TAF7L: variants seen among roughly 807,000 people sequenced by gnomAD.
TAF7L encodes the protein TATA-box binding protein associated factor 7 like.
A neutral mutation model predicts 30.2 loss-of-function variants in TAF7L; 6 were observed. The ratio of observed to expected loss-of-function variants is 0.20; its 90% CI spans 0.11 to 0.39. The LOEUF (loss-of-function observed/expected upper bound fraction) is 0.39, where lower values mean the gene tolerates loss of function less well. Among genes scored for constraint, TAF7L ranks in the 10% least tolerant of loss-of-function variants. TAF7L has a pLI of 1.00. For missense variants in TAF7L, 284 were observed against 277.1 expected (o/e 1.03, Z -0.18); for synonymous variants, 93 against 94.5 (o/e 0.98, Z 0.09).
intron 1 of TAF7L, among the ~76,000 whole-genome samples, chrX:101,290,197 A>AAAAAC (rs763682311): frequency 3.3e-4 from 37 of 110,940 alleles, no homozygotes; most frequent in South Asian, 1.5e-3. Flanking sequence ...ACTCCTTCTC[A>AAAAAC]AAAACAAAAC....
intron 11 of TAF7L, 36 bp downstream of exon 11, chrX:101,275,964 G>T: frequency 1.0e-6 from 1 of 985,043 alleles, no homozygotes. Flanking sequence ...CTGAAAGTAA[G>T]ATATCAGGAT....
chrX:101,291,648 C>T (rs2147389205), upstream of TAF7L, among the ~76,000 whole-genome samples: 1 of 110,173 alleles, frequency 9.1e-6, no homozygotes, highest in Admixed American at 9.6e-5. Flanking sequence ...GGGCAGATCT[C>T]AAGGTCAAAA....
At chrX:101,271,497 G>A (rs890028293) in intron 12 of TAF7L, among the ~76,000 whole-genome samples, 5 of 111,334 alleles carry the variant, frequency 4.5e-5, no homozygotes, top group Non-Finnish European at 9.4e-5. Context: ...CATAGAAAAG[G>A]TAAACTAAAA....
At chrX:101,270,361 G>A (rs1328835252) in intron 12 of TAF7L, among the ~76,000 whole-genome samples, 2 of 111,289 alleles carry the variant, frequency 1.8e-5, no homozygotes, top group Non-Finnish European at 3.8e-5. Context: ...CAGTAACTTA[G>A]AGGCTCTTCT....
At chrX:101,286,535 T>A (rs41304452) in intron 3 of TAF7L, 40 bp downstream of exon 3, 42 of 1,010,336 alleles carry the variant, frequency 4.2e-5, no homozygotes, top group Middle Eastern at 3.5e-4. Flanking sequence ...CCTTAATAAA[T>A]TATTGTTCAA....
chrX:101,285,346 A>T (rs748865792), intron 3 of TAF7L, among the ~76,000 whole-genome samples: 1 of 109,151 alleles, frequency 9.2e-6, no homozygotes, highest in Admixed American at 9.9e-5. Flanking sequence ...AAATACAAAA[A>T]AATTAGCCAG....
intron 3 of TAF7L, among the ~76,000 whole-genome samples, chrX:101,284,721 G>A (rs1470511132): frequency 9.0e-6 from 1 of 110,644 alleles, no homozygotes; most frequent in Non-Finnish European, 1.9e-5. Flanking sequence ...AAAAATGTCA[G>A]TAAGTGTTAA....
At chrX:101,283,665 T>C (rs1453942223) in intron 3 of TAF7L, 82 bp from the exon 4 acceptor site, 2 of 1,039,647 alleles carry the variant, frequency 1.9e-6, no homozygotes, top group African/African-American at 3.8e-5. Context: ...AAGACTTATG[T>C]GGGACAGATT....
At chrX:101,272,648 G>T (rs1924005207) in intron 12 of TAF7L, among the ~76,000 whole-genome samples, 1 of 111,874 alleles carries the variant, frequency 8.9e-6, no homozygotes, top group Non-Finnish European at 1.9e-5. Flanking sequence ...GAGAAGTGGG[G>T]AGTGACTACT....
At chrX:101,272,525 C>T (rs1286930064) in intron 12 of TAF7L, among the ~76,000 whole-genome samples, 2 of 111,253 alleles carry the variant, frequency 1.8e-5, no homozygotes, top group East Asian at 5.6e-4. Flanking sequence ...AGGAGCCCGA[C>T]TCAAAACACC....
chrX:101,292,682 C>T (rs1924867344), upstream of TAF7L: 2 of 983,282 alleles, frequency 2.0e-6, no homozygotes, highest in African/African-American at 1.9e-5. Context: ...TCGCCCATTG[C>T]TCCTCAAGGG....
intron 12 of TAF7L, among the ~76,000 whole-genome samples, chrX:101,270,047 T>C (rs1923918348): frequency 9.0e-6 from 1 of 111,378 alleles, no homozygotes; most frequent in African/African-American, 3.3e-5. Context: ...CATTAGGAGA[T>C]ACTTAGAAAC....
chrX:101,276,059 G>T lies in TAF7L; in HGVS notation c.967C>A (p.Gln323Lys), dbSNP rs778111054. Residue 323 changes from glutamine to lysine, a missense_variant, in exon 11 of 13, where the codon CAG (glutamine) becomes AAG (lysine). By Grantham distance (53) the Gln-to-Lys change is moderately conservative. Coordinates refer to ENST00000356784, the MANE Select transcript of TAF7L (RefSeq NM_001168474.2). ...EKKEKKLHKI[Q>K]NKAQRQKDLI... is the part of the protein sequence containing the mutation. ...TCCTTCTGTCTTTGTGCTTTATTCT[G>T]AATCTTATGGAGCTTTTTCTCCTTT... is the stretch of plus-strand genomic sequence containing the variant. 1 of 1,205,074 alleles carries T rather than the reference G, an allele frequency of 8.3e-7. No individual in the cohort carries two copies. The highest frequency in any genetic ancestry group is 2.2e-5 in the Admixed American group (1 of 44,783).
chrX:101,290,715 T>C (rs1373000779), intron 1 of TAF7L, among the ~76,000 whole-genome samples: 1 of 112,230 alleles, frequency 8.9e-6, no homozygotes, highest in African/African-American at 3.2e-5. Context: ...ATTTTTTAAA[T>C]TTACTTGCAT....
Position 101,277,671 on chromosome X carries a change from C to A in TAF7L, c.626G>T (p.Gly209Val). The A allele has an allele frequency of 3.3e-6, 4 of 1,205,691 alleles. No individual in the cohort carries two copies. Among genetic ancestry groups the A allele is most frequent in the African/African-American group, 1.8e-5 (1 of 57,081 alleles). The change falls in exon 9 of 13, where the codon GGC becomes GTC. Residue 209 changes from glycine to valine, a missense_variant. By Grantham distance (109) the Gly-to-Val change is moderately radical. Transcript: ENST00000356784. ...GGATATCAAAAATCCTGGGATGGAGCCTTGACTTTCTATTTCCTTGGTTCC... is the reference window on the plus strand; with the variant it reads ...GGATATCAAAAATCCTGGGATGGAGACTTGACTTTCTATTTCCTTGGTTCC... ...EDGTKEIESQ[G>V]SIPGFLISSG...
At chrX:101,273,289 C>T (rs765669780) in intron 12 of TAF7L, among the ~76,000 whole-genome samples, 3 of 111,410 alleles carry the variant, frequency 2.7e-5, no homozygotes, top group African/African-American at 9.8e-5. Context: ...TCAGAGTAAC[C>T]TTTTAAAAGT....
rs1923859077 is a variant in TAF7L at position 101,268,388 on chromosome X, C to G, written c.*805G>C. ...CATTATGGCATCTTGTTCTTCCTAA[C>G]CTTAACTGATGAGGGTTAGGAGGAG... is the stretch of plus-strand genomic sequence containing the variant. On this transcript the variant is annotated 3_prime_UTR_variant, in exon 13 of 13. Coordinates refer to ENST00000356784, the MANE Select transcript of TAF7L (RefSeq NM_001168474.2). The G allele has an allele frequency of 8.9e-6, 1 of 112,152 alleles. No individual in the cohort carries two copies. Among genetic ancestry groups the G allele is most frequent in the Non-Finnish European group, 1.9e-5 (1 of 53,271 alleles). 9.2% of individuals were successfully genotyped at this position (112,152 alleles called of 1,213,427 possible).
chrX:101,288,818 T>C (rs1328779819), intron 1 of TAF7L, among the ~76,000 whole-genome samples: 2 of 111,494 alleles, frequency 1.8e-5, no homozygotes, highest in African/African-American at 6.5e-5. Context: ...GATGTTATGA[T>C]ATAGTGTGAA....
Position 101,275,269 on chromosome X carries a change from A to G in TAF7L, c.1039T>C (p.Ser347Pro). ...TGTAACTCAAGCTGCTCCAGCACAGACTGAAAATGATTCTGAAAAATAAAT... is the reference window on the plus strand; with the variant it reads ...TGTAACTCAAGCTGCTCCAGCACAGGCTGAAAATGATTCTGAAAAATAAAT... ...ENLTLKNHFQSVLEQLELQEK... is the reference protein window; with the variant it reads ...ENLTLKNHFQPVLEQLELQEK... Residue 347 changes from serine to proline, a missense_variant, in exon 12 of 13, where the codon TCT (serine) becomes CCT (proline). By Grantham distance (74) the Ser-to-Pro change is moderately conservative (BLOSUM62 -1). Coordinates refer to ENST00000356784, the MANE Select transcript of TAF7L (RefSeq NM_001168474.2). 1 of 1,165,170 alleles carries G rather than the reference A, an allele frequency of 8.6e-7. No individual in the cohort carries two copies. Among genetic ancestry groups the G allele is most frequent in the Non-Finnish European group, 1.1e-6 (1 of 870,807 alleles).
Sources: gnomAD v4.1 joint callset for allele counts (sites outside exome capture counted in the v4.1 genomes callset) on GRCh38, gnomAD v4.1.1 for gene constraint, MANE v1.5 for transcripts, NCBI Gene and HGNC (gene_info 2026-07-23, HGNC 2026-07-21) for gene names.